The following CAMKK2 variants were observed in gnomAD, a reference collection of about 807,000 sequenced individuals.
The protein encoded by CAMKK2 is calcium/calmodulin-dependent protein kinase kinase 2.
In CAMKK2, 30 loss-of-function variants were observed where a neutral mutation model predicts 67.2. The observed-to-expected ratio is 0.45, with a 90% CI of 0.33 to 0.61. The LOEUF is 0.61. CAMKK2 is among the 20% of genes least tolerant of loss of function. The pLI, the probability that CAMKK2 is intolerant of heterozygous loss-of-function variation, is 0.02. For missense variants in CAMKK2, 643 were observed against 802.0 expected (o/e 0.80, Z 2.39); for synonymous variants, 322 against 326.2 (o/e 0.99, Z 0.14).
At chr12:121,244,790 C>G (rs1467996060) in intron 15 of CAMKK2, among the ~76,000 whole-genome samples, 175 bp from the exon 16 acceptor site, 2 of 152,338 alleles carry the variant, frequency 1.3e-5, no homozygotes, top group East Asian at 1.9e-4. Flanking sequence ...CACACAGGGT[C>G]CTGAGTGAGA....
chr12:121,244,908 G>A (rs763337479), intron 15 of CAMKK2, among the ~76,000 whole-genome samples: 2 of 152,252 alleles, frequency 1.3e-5, no homozygotes, highest in Non-Finnish European at 2.9e-5. Context: ...CCCAGCTACA[G>A]TGCAAGTTCC....
chr12:121,276,546 C>T (rs1039911893), intron 1 of CAMKK2, among the ~76,000 whole-genome samples: 1 of 152,186 alleles, frequency 6.6e-6, no homozygotes, highest in African/African-American at 2.4e-5. Flanking sequence ...AGAACATTAA[C>T]CTTTGCTTAA....
At chr12:121,242,359 GA>G (rs1888543644) in intron 16 of CAMKK2, among the ~76,000 whole-genome samples, 1 of 149,356 alleles carries the variant, frequency 6.7e-6, no homozygotes, top group Non-Finnish European at 1.5e-5. Context: ...AAAAAAGAAA[GA>G]AAGAAAGAAA....
intron 1 of CAMKK2, among the ~76,000 whole-genome samples, chr12:121,283,371 C>T (rs921991515): frequency 3.9e-5 from 6 of 152,142 alleles, no homozygotes; most frequent in Non-Finnish European, 7.4e-5. Context: ...CAACTGAGTC[C>T]GCAAAAACAA....
At chr12:121,291,144 A>G (rs1899927082) in intron 1 of CAMKK2, among the ~76,000 whole-genome samples, 1 of 152,212 alleles carries the variant, frequency 6.6e-6, no homozygotes, top group Non-Finnish European at 1.5e-5. Context: ...ATGGGGAGCC[A>G]CGATTCTTGC....
At position 121,255,805 on chromosome 12, in the gene CAMKK2, CTG is replaced by C; in HGVS notation, c.797-3_797-2del. The C allele has an allele frequency of 6.2e-7, 1 of 1,613,950 alleles. No individual in the cohort carries two copies. The highest frequency in any genetic ancestry group is 8.5e-7 in the Non-Finnish European group (1 of 1,179,894). ...CACCCTTGGTTGACCAGTTCGAACA[CTG>C]TAGGGAAGAAAAGGGTGAAACTGTT... On this transcript the variant is annotated splice_acceptor_variant and splice_polypyrimidine_tract_variant and intron_variant, in intron 7 of 16. Transcript: ENST00000404169. LOFTEE classifies it high-confidence loss of function.
At position 121,253,787 on chromosome 12, in the gene CAMKK2, G is replaced by A. The variant is rs995858550; in HGVS notation, c.908-315C>T. Reference sequence around the variant, plus strand: ...TATTAAGTCACAAGTGACAGTGCATGGAAAGTTTTTGCTGGGCTTGGCTCA... The same window carrying A: ...TATTAAGTCACAAGTGACAGTGCATAGAAAGTTTTTGCTGGGCTTGGCTCA... On this transcript the variant is annotated intron_variant, in intron 9 of 16. Coordinates refer to ENST00000404169, the MANE Select transcript of CAMKK2 (RefSeq NM_001270485.2). The surrounding 1 kb of genome is among the most constrained non-coding windows in gnomAD (Gnocchi z 5.0). 6.6e-6 allele frequency among the ~76,000 whole-genome samples: 1 copy of A among 152,204 alleles called. No homozygotes were observed. Among genetic ancestry groups the A allele is most frequent in the African/African-American group, 2.4e-5 (1 of 41,448 alleles).
At chr12:121,246,631 T>C (rs1889532256) in intron 14 of CAMKK2, among the ~76,000 whole-genome samples, 1 of 151,972 alleles carries the variant, frequency 6.6e-6, no homozygotes, top group South Asian at 2.1e-4. Context: ...CTCTTTCCTC[T>C]GTGTCTGAGC....
intron 16 of CAMKK2, among the ~76,000 whole-genome samples, chr12:121,241,865 G>A (rs951852604): frequency 6.6e-6 from 1 of 152,242 alleles, no homozygotes; most frequent in Admixed American, 6.5e-5. Context: ...GCAGACGGCA[G>A]GCAGGCCCCC....
intron 5 of CAMKK2, among the ~76,000 whole-genome samples, chr12:121,267,902 A>C (rs923421686): frequency 1.3e-5 from 2 of 151,598 alleles, no homozygotes; most frequent in Admixed American, 6.6e-5. Context: ...GCAATCACAA[A>C]TCTACTTTTG....
chr12:121,243,402 T>A (rs1566029871), intron 16 of CAMKK2, among the ~76,000 whole-genome samples: 1 of 151,886 alleles, frequency 6.6e-6, no homozygotes, highest in Non-Finnish European at 1.5e-5. Flanking sequence ...AGCATCAGTC[T>A]TCATTCGATA....
intron 1 of CAMKK2, among the ~76,000 whole-genome samples, chr12:121,279,632 G>A (rs907253440): frequency 1.3e-4 from 20 of 152,200 alleles, no homozygotes; most frequent in African/African-American, 3.4e-4. Flanking sequence ...AGGGCGGAGC[G>A]TGAGAGGAGG....
Position 121,274,043 on chromosome 12 carries a change from C to T in CAMKK2, c.471+13G>A. On this transcript the variant is annotated intron_variant, in intron 2 of 16. Coordinates refer to ENST00000404169, the MANE Select transcript of CAMKK2 (RefSeq NM_001270485.2). ...GGGACCCCTAGGACCTGGCTCACCA[C>T]CGGCTCACGCACCTGCATACCCGTG... is the stretch of plus-strand genomic sequence containing the variant. 1 of 1,470,124 alleles carries T rather than the reference C, an allele frequency of 6.8e-7. No homozygotes were observed. The highest frequency in any genetic ancestry group is 9.0e-7 in the Non-Finnish European group (1 of 1,107,960). The allele number at this position is 1,470,124 out of a possible 1,614,324, so 91.1% of individuals were successfully genotyped here.
At position 121,252,001 on chromosome 12, in the gene CAMKK2, G is replaced by A. The variant is rs1403212229; in HGVS notation, c.1161+660C>T. On this transcript the variant is annotated intron_variant, in intron 11 of 16. Coordinates refer to ENST00000404169, the MANE Select transcript of CAMKK2 (RefSeq NM_001270485.2). ...GCTTCTAGGAATACCCTGACGGAAA[G>A]AACATCAGAGCAGTATCAGGCTCAG... Among the ~76,000 whole-genome samples, 4 of 152,270 alleles carry A rather than the reference G, an allele frequency of 2.6e-5. No individual in the cohort carries two copies. The East Asian group carries it at 5.8e-4, about 22-fold the overall frequency.
chr12:121,289,298 G>A (rs565561723), intron 1 of CAMKK2, among the ~76,000 whole-genome samples: 58 of 151,476 alleles, frequency 3.8e-4, no homozygotes, highest in African/African-American at 9.0e-4. Flanking sequence ...GACTGAAACC[G>A]AAACACTGGC....
chr12:121,290,052 G>C (rs1368796097), intron 1 of CAMKK2, among the ~76,000 whole-genome samples: 1 of 152,162 alleles, frequency 6.6e-6, no homozygotes, highest in East Asian at 1.9e-4. Flanking sequence ...GGTGGCTATA[G>C]AGTTGATCTT....
At position 121,252,677 on chromosome 12, in the gene CAMKK2, C is replaced by G; in HGVS notation, c.1145G>C (p.Cys382Ser). Residue 382 changes from cysteine to serine, a missense_variant, in exon 11 of 17, where the codon TGC (cysteine) becomes TCC (serine). By Grantham distance (112) the Cys-to-Ser change is moderately radical. Coordinates refer to ENST00000404169, the MANE Select transcript of CAMKK2 (RefSeq NM_001270485.2). Reference sequence around the variant, plus strand: ...CCCTCTTACCTGGCCAAAGACAAAGCAGTATAGTGTCACACCCATGGCCCA... The same window carrying G: ...CCCTCTTACCTGGCCAAAGACAAAGGAGTATAGTGTCACACCCATGGCCCA... ...DVWAMGVTLY[C>S]FVFGQCPFMD... The G allele has an allele frequency of 6.2e-7, 1 of 1,614,210 alleles. No homozygotes were observed. Among genetic ancestry groups the G allele is most frequent in the Non-Finnish European group, 8.5e-7 (1 of 1,180,028 alleles).
intron 1 of CAMKK2, among the ~76,000 whole-genome samples, chr12:121,289,918 GC>G (rs144859310): frequency 0.22 from 32,958 of 147,238 alleles, 6,031 homozygotes; most frequent in African/African-American, 0.51. Flanking sequence ...AAAAGGCGGG[GC>G]GGGGAGCCAA....
chr12:121,266,014 C>T (rs976887904), intron 5 of CAMKK2, among the ~76,000 whole-genome samples: 10 of 152,168 alleles, frequency 6.6e-5, no homozygotes, highest in African/African-American at 2.4e-4. Flanking sequence ...TCACTGCAGC[C>T]TTGAACTCCC....
Sources: gnomAD v4.1 joint callset for allele counts (sites outside exome capture counted in the v4.1 genomes callset) on GRCh38, gnomAD v4.1.1 for gene constraint, Gnocchi (gnomAD v3.1) non-coding constraint, MANE v1.5 for transcripts, NCBI Gene and HGNC (gene_info 2026-07-23, HGNC 2026-07-21) for gene names.